Variants in CFDP1 observed in about 807,000 individuals in gnomAD.
CFDP1 encodes heterochromatin-stabilizing protein CFDP1.
In CFDP1, 31 loss-of-function variants were observed where a neutral mutation model predicts 40.1. That is an observed-to-expected ratio of 0.77 (90% CI 0.58 to 1.04). The LOEUF (loss-of-function observed/expected upper bound fraction) is 1.04, where lower values mean the gene tolerates loss of function less well. Among genes scored for constraint, CFDP1 ranks in the 50% least tolerant of loss-of-function variants. The probability of loss-of-function intolerance (pLI) is 0.00; values close to 1 mark genes in which losing one functional copy is unlikely to be tolerated. For missense variants in CFDP1, 423 were observed against 343.4 expected (o/e 1.23, Z -1.83); for synonymous variants, 167 against 120.0 (o/e 1.39, Z -2.56).
intron 5 of CFDP1, among the ~76,000 whole-genome samples, chr16:75,330,143 A>G (rs1277236161): frequency 6.6e-6 from 1 of 152,222 alleles, no homozygotes; most frequent in Admixed American, 6.5e-5. Flanking sequence ...TGCTGTAGCG[A>G]AAGCTCCTGA....
At chr16:75,314,043 C>T (rs8057535) in intron 5 of CFDP1, among the ~76,000 whole-genome samples, 76,168 of 151,916 alleles carry the variant, frequency 0.5, 20,664 homozygotes, top group Admixed American at 0.66. Flanking sequence ...CGCTACCATG[C>T]CTGGCTAATT....
chr16:75,398,948 T>C (rs920296464), intron 4 of CFDP1, among the ~76,000 whole-genome samples: 2 of 151,162 alleles, frequency 1.3e-5, no homozygotes, highest in African/African-American at 4.9e-5. Flanking sequence ...TCCCAGCTAC[T>C]CGGGAGGCTG....
In CFDP1 at chr16:75,396,707, C is replaced by T. The variant is rs370689898; in HGVS notation, c.531-1498G>A. ...TTCAAATCTGAAAAAATTATCTTCA[C>T]TAAAACTGAGTCCTAAAGGCTCAAA... On this transcript the variant is annotated intron_variant, in intron 4 of 6. Transcript: ENST00000283882. Among the ~76,000 whole-genome samples, 12 of 110,486 alleles carry T rather than the reference C, an allele frequency of 1.1e-4. 1 individual carries two copies. The highest frequency in any genetic ancestry group is 3.3e-4 in the African/African-American group (12 of 35,826). The allele number at this position is 110,486 out of a possible 152,430, so 72.5% of individuals were successfully genotyped here.
intron 5 of CFDP1, among the ~76,000 whole-genome samples, chr16:75,319,359 A>T (rs913438757): frequency 3.3e-5 from 5 of 152,162 alleles, no homozygotes; most frequent in African/African-American, 1.2e-4. Context: ...TCTAACTGCT[A>T]CTAAATAAGC....
At chr16:75,330,286 G>C (rs938982246) in intron 5 of CFDP1, among the ~76,000 whole-genome samples, 1 of 152,164 alleles carries the variant, frequency 6.6e-6, no homozygotes, top group African/African-American at 2.4e-5. Flanking sequence ...CCTGAGGCTA[G>C]TTTTCAAAAA....
chr16:75,358,324 T>C (rs1232438906), intron 5 of CFDP1, among the ~76,000 whole-genome samples: 1 of 152,158 alleles, frequency 6.6e-6, no homozygotes, highest in Non-Finnish European at 1.5e-5. Flanking sequence ...AGATGAGGCA[T>C]GCCTACATAT....
intron 5 of CFDP1, among the ~76,000 whole-genome samples, chr16:75,350,382 C>T (rs1178623456): frequency 1.3e-5 from 2 of 152,178 alleles, no homozygotes; most frequent in African/African-American, 4.8e-5. Flanking sequence ...TCTCCATACC[C>T]TTGCCAACAC....
chr16:75,334,254 C>A (rs76851554), intron 5 of CFDP1, among the ~76,000 whole-genome samples: 2,358 of 151,778 alleles, frequency 0.016, 59 homozygotes, highest in African/African-American at 0.053. Flanking sequence ...GCTAAGCAAA[C>A]GTTTGCTTCT....
intron 5 of CFDP1, among the ~76,000 whole-genome samples, chr16:75,346,215 T>C (rs921400102): frequency 6.6e-5 from 10 of 152,082 alleles, no homozygotes; most frequent in African/African-American, 9.7e-5. Context: ...TGTAGGTAAA[T>C]GTAAATGAAG....
At chr16:75,309,836 A>AC (rs1555552825) in intron 5 of CFDP1, among the ~76,000 whole-genome samples, 1 of 150,842 alleles carries the variant, frequency 6.6e-6, no homozygotes, top group Admixed American at 6.6e-5. Flanking sequence ...AAAAAAAAAA[A>AC]AAAAAAAAAC....
chr16:75,384,852 CT>C (rs751607475), intron 5 of CFDP1, among the ~76,000 whole-genome samples: 86,031 of 120,280 alleles, frequency 0.72, 29,356 homozygotes, highest in Middle Eastern at 0.81. Context: ...GAAACTAAAA[CT>C]ATATATATAT....
chr16:75,302,551 C>T lies in CFDP1; in HGVS notation c.809+2473G>A, dbSNP rs1231724981. Among the ~76,000 whole-genome samples, 6 of 152,362 alleles carry T rather than the reference C, an allele frequency of 3.9e-5. No homozygotes were observed. In the East Asian group the frequency reaches 9.6e-4, roughly 24 times the overall value. On this transcript the variant is annotated intron_variant, in intron 6 of 6. Coordinates refer to ENST00000283882, the MANE Select transcript of CFDP1 (RefSeq NM_006324.3). ...CAGGAGTGAGCCACTGCTCCCAACA[C>T]TCCTTACTTTTCTAAGACCTCTATT...
intron 1 of CFDP1, among the ~76,000 whole-genome samples, chr16:75,422,396 C>CTTTT (rs765465924): frequency 2.3e-5 from 3 of 129,468 alleles, no homozygotes; most frequent in African/African-American, 6.2e-5. Context: ...CGTATGGCCT[C>CTTTT]TTTTTTTTTT....
intron 5 of CFDP1, among the ~76,000 whole-genome samples, chr16:75,341,290 C>G (rs2151520456): frequency 6.6e-6 from 1 of 152,328 alleles, no homozygotes; most frequent in South Asian, 2.1e-4. Flanking sequence ...AGCTACAATT[C>G]TCTTTGACAG....
intron 5 of CFDP1, among the ~76,000 whole-genome samples, chr16:75,340,511 C>T (rs934910131): frequency 6.6e-6 from 1 of 152,110 alleles, no homozygotes; most frequent in Admixed American, 6.5e-5. Context: ...CTATTCCAAC[C>T]AGTTTCTTGT....
intron 5 of CFDP1, among the ~76,000 whole-genome samples, chr16:75,325,265 C>T (rs892234210): frequency 6.6e-6 from 1 of 152,192 alleles, no homozygotes. Context: ...TCCCAGACTT[C>T]CTCTCCTAGC....
At chr16:75,424,772 A>G (rs1176936515) in intron 1 of CFDP1, among the ~76,000 whole-genome samples, 1 of 150,990 alleles carries the variant, frequency 6.6e-6, no homozygotes, top group African/African-American at 2.4e-5. Context: ...AAAAAAAAAA[A>G]GATTGGGAAA....
chr16:75,431,396 G>A (rs749195809), intron 1 of CFDP1, among the ~76,000 whole-genome samples: 18 of 131,510 alleles, frequency 1.4e-4, no homozygotes, highest in Admixed American at 1.8e-4. Context: ...AGAGCTTGCA[G>A]TGAGACGAGA....
intron 4 of CFDP1, among the ~76,000 whole-genome samples, chr16:75,404,254 G>C (rs1289030471): frequency 8.0e-6 from 1 of 125,586 alleles, no homozygotes; most frequent in South Asian, 2.6e-4. Context: ...TTTTTTTTTT[G>C]AGACGGAGTC....
Sources: allele counts gnomAD v4.1 joint callset (sites outside exome capture counted in the v4.1 genomes callset), GRCh38; gene constraint gnomAD v4.1.1; transcripts MANE v1.5; gene names NCBI Gene and HGNC (gene_info 2026-07-23, HGNC 2026-07-21).